NT5C3A: variants seen among roughly 807,000 people sequenced by gnomAD.
NT5C3A encodes the protein cytosolic 5'-nucleotidase 3A.
In NT5C3A, 23 loss-of-function variants were observed where a neutral mutation model predicts 40.0. That is an observed-to-expected ratio of 0.58 (90% CI 0.41 to 0.81). The LOEUF is 0.81. Ranked by LOEUF, NT5C3A falls within the 40% of genes least tolerant of loss-of-function variation. The probability of loss-of-function intolerance (pLI) is 0.00; values close to 1 mark genes in which losing one functional copy is unlikely to be tolerated. For synonymous variants in NT5C3A, 130 were observed against 141.4 expected (o/e 0.92, Z 0.57); for missense variants, 328 against 403.0 (o/e 0.81, Z 1.59).
intron 1 of NT5C3A, among the ~76,000 whole-genome samples, chr7:33,051,994 T>C (rs2128016903): frequency 6.6e-6 from 1 of 152,328 alleles, no homozygotes; most frequent in South Asian, 2.1e-4. Flanking sequence ...AGTTGAAGTC[T>C]CCCTTCCTGG....
intron 1 of NT5C3A, among the ~76,000 whole-genome samples, chr7:33,031,846 C>T (rs747138332): frequency 1.4e-4 from 21 of 151,934 alleles, no homozygotes; most frequent in African/African-American, 4.4e-4. Context: ...TATTTTTGGC[C>T]GGGCACGGTG....
At chr7:33,029,643 A>G in intron 1 of NT5C3A, 1 of 1,289,830 alleles carries the variant, frequency 7.8e-7, no homozygotes, top group Non-Finnish European at 1.0e-6. Context: ...GGCAAATCAC[A>G]GCTTCAAGTT....
At chr7:33,043,714 C>T (rs1347201714) in intron 1 of NT5C3A, among the ~76,000 whole-genome samples, 3 of 152,098 alleles carry the variant, frequency 2.0e-5, no homozygotes, top group Non-Finnish European at 4.4e-5. Flanking sequence ...ATATGGATGT[C>T]GCTTCCTGTC....
intron 1 of NT5C3A, among the ~76,000 whole-genome samples, chr7:33,046,523 G>A (rs1232101509): frequency 1.1e-5 from 1 of 93,424 alleles, no homozygotes; most frequent in Non-Finnish European, 2.1e-5. Flanking sequence ...GACAGGGGGA[G>A]GTTGTCTCAA....
At chr7:33,060,432 T>G (rs186325822) in intron 1 of NT5C3A, among the ~76,000 whole-genome samples, 54 of 135,934 alleles carry the variant, frequency 4.0e-4, no homozygotes, top group African/African-American at 1.4e-3. Flanking sequence ...CCCAAAGTGC[T>G]GGGATTACAG....
intron 1 of NT5C3A, among the ~76,000 whole-genome samples, chr7:33,061,714 G>A (rs1447503385): frequency 6.6e-6 from 1 of 152,060 alleles, no homozygotes; most frequent in African/African-American, 2.4e-5. Flanking sequence ...TCTGACCCTA[G>A]ATGTTCACAT....
chr7:33,022,638 A>G (rs1413650226), intron 3 of NT5C3A, among the ~76,000 whole-genome samples: 3 of 152,216 alleles, frequency 2.0e-5, no homozygotes, highest in Admixed American at 6.5e-5. Context: ...ATAAGAGATC[A>G]TACCAAATCT....
intron 1 of NT5C3A, chr7:33,040,725 A>G (rs1786872622): frequency 4.7e-6 from 1 of 212,188 alleles, no homozygotes; most frequent in Non-Finnish European, 8.1e-6. Flanking sequence ...ACAAATTATA[A>G]AGAAGTTTTG....
chr7:33,062,431 G>A, intron 1 of NT5C3A, 137 bp downstream of exon 1: 1 of 771,988 alleles, frequency 1.3e-6, no homozygotes, highest in African/African-American at 1.8e-5. Flanking sequence ...TCCCGAGCTA[G>A]CGAGATCCCA....
intron 1 of NT5C3A, among the ~76,000 whole-genome samples, chr7:33,054,552 C>T (rs374243926): frequency 3.3e-5 from 5 of 152,188 alleles, no homozygotes. Context: ...TGCTTGGGAC[C>T]AGATTTCGGG....
At position 33,015,742 on chromosome 7, in the gene NT5C3A, T is replaced by C. The variant is rs779712170; in HGVS notation, c.822A>G (p.Gln274=). The C allele has an allele frequency of 3.1e-6, 5 of 1,612,048 alleles. No individual in the cohort carries two copies. The highest frequency in any genetic ancestry group is 1.3e-5 in the African/African-American group (1 of 75,042). The stretch of plus-strand genomic sequence containing the variant: ...CTCCATCTGCCATTCTTAAGTCTCC[T>C]TGGGAGTCTCCCAGAAGAATTATGT... The part of the protein sequence containing the change: ...NSNIILLGDS[Q]GDLRMADGVA... The change falls in exon 8 of 9, where the codon CAA becomes CAG. Residue 274 remains glutamine, a synonymous_variant. Coordinates refer to ENST00000610140, the MANE Select transcript of NT5C3A (RefSeq NM_001002010.5).
intron 7 of NT5C3A, among the ~76,000 whole-genome samples, chr7:33,016,669 C>CAAAA (rs386409862): frequency 6.5e-5 from 6 of 91,876 alleles, no homozygotes; most frequent in East Asian, 3.4e-4. Context: ...GACTCCCTCT[C>CAAAA]AAAAAAAAAA....
intron 1 of NT5C3A, among the ~76,000 whole-genome samples, chr7:33,052,516 A>G (rs1049373598): frequency 1.3e-4 from 20 of 150,364 alleles, no homozygotes; most frequent in Non-Finnish European, 2.4e-4. Flanking sequence ...AAAAAGTTAT[A>G]CAGATTTTTT....
chr7:33,014,590 C>T lies in NT5C3A; in HGVS notation c.*140G>A, dbSNP rs1036093678. The T allele has an allele frequency of 1.6e-6, 2 of 1,254,382 alleles. No homozygotes were observed. The highest frequency in any genetic ancestry group is 2.6e-5 in the East Asian group (1 of 38,014). The allele number at this position is 1,254,382 out of a possible 1,614,324, so 77.7% of individuals were successfully genotyped here. Reference sequence around the variant, plus strand: ...AAGGAGCTTCCAGTCAATGCATTCACCATATCTGAAAATACTTCAGTTATA... The same window carrying T: ...AAGGAGCTTCCAGTCAATGCATTCATCATATCTGAAAATACTTCAGTTATA... On this transcript the variant is annotated 3_prime_UTR_variant, in exon 9 of 9. Coordinates refer to ENST00000610140, the MANE Select transcript of NT5C3A (RefSeq NM_001002010.5).
At position 33,019,693 on chromosome 7, in the gene NT5C3A, G is replaced by C. The variant is rs767133052; in HGVS notation, c.472C>G (p.Gln158Glu). The C allele has an allele frequency of 1.9e-6, 3 of 1,607,960 alleles. No individual in the cohort carries two copies. The South Asian group carries it at 3.3e-5, about 18-fold the overall frequency. ...YTKSHGLLVQ[Q>E]ALPKAKLKEI... ...TTAAGTTTAGCTTTTGGTAAAGCTT[G>C]CTGAACAAGCAAACCATGTGATTTA... Residue 158 changes from glutamine to glutamate, a missense_variant, in exon 6 of 9, where the codon CAA (glutamine) becomes GAA (glutamate). Transcript: ENST00000610140.
chr7:33,062,458 C>T (rs1787819435), intron 1 of NT5C3A, 110 bp downstream of exon 1: 2 of 982,292 alleles, frequency 2.0e-6, no homozygotes, highest in Non-Finnish European at 3.1e-6. Context: ...CAGGCGACGC[C>T]GGCAGCTCCC....
chr7:33,056,561 A>G (rs1478579526), intron 1 of NT5C3A, among the ~76,000 whole-genome samples: 1 of 145,696 alleles, frequency 6.9e-6, no homozygotes, highest in Non-Finnish European at 1.5e-5. Flanking sequence ...AGTCCCAGCT[A>G]CTTGGGAGGC....
At chr7:33,062,322 G>T (rs1787810905) in intron 1 of NT5C3A, among the ~76,000 whole-genome samples, 1 of 152,208 alleles carries the variant, frequency 6.6e-6, no homozygotes, top group Non-Finnish European at 1.5e-5. Context: ...ACCTAACAAA[G>T]ACCACGGGCA....
chr7:33,033,065 A>C (rs1044703584), intron 1 of NT5C3A, among the ~76,000 whole-genome samples: 1 of 152,216 alleles, frequency 6.6e-6, no homozygotes, highest in African/African-American at 2.4e-5. Context: ...GTGAATTTTA[A>C]ATCACCTTAG....
Sources: gnomAD v4.1 joint callset for allele counts (sites outside exome capture counted in the v4.1 genomes callset) on GRCh38, gnomAD v4.1.1 for gene constraint, MANE v1.5 for transcripts, NCBI Gene and HGNC (gene_info 2026-07-23, HGNC 2026-07-21) for gene names.